Variants in ARRB1 observed in about 807,000 individuals in gnomAD.
ARRB1 encodes the protein beta-arrestin-1.
A neutral mutation model predicts 56.8 loss-of-function variants in ARRB1; 21 were observed. That is an observed-to-expected ratio of 0.37 (90% CI 0.26 to 0.53). ARRB1 has a LOEUF of 0.53. Ranked by LOEUF, ARRB1 falls within the 20% of genes least tolerant of loss-of-function variation. ARRB1 has a pLI of 0.88. For missense variants in ARRB1, 424 were observed against 553.7 expected, an observed-to-expected ratio of 0.77 and a Z score of 2.35; for synonymous variants, 210 against 218.6, an observed-to-expected ratio of 0.96 and a Z score of 0.35.
intron 8 of ARRB1, among the ~76,000 whole-genome samples, chr11:75,278,140 G>A (rs905564026): frequency 1.3e-5 from 2 of 152,242 alleles, no homozygotes; most frequent in African/African-American, 4.8e-5. Context: ...CCCACACCTT[G>A]AGGAGGGGCC....
At chr11:75,272,855 C>T (rs1388589854) in intron 12 of ARRB1, 40 bp downstream of exon 12, 1 of 1,609,176 alleles carries the variant, frequency 6.2e-7, no homozygotes, top group Non-Finnish European at 8.5e-7. Flanking sequence ...GGACGCTCCC[C>T]TCTGCACTCC....
At position 75,260,151 on chromosome 11, in the gene ARRB1, TC is replaced by T. The variant is rs1449421739; in HGVS notation, c.*6011del. 1 of 152,218 alleles carries T rather than the reference TC, an allele frequency of 6.6e-6. No homozygotes were observed. Among genetic ancestry groups the T allele is most frequent in the Non-Finnish European group, 1.5e-5 (1 of 68,034 alleles). 9.4% of individuals were successfully genotyped at this position (152,218 alleles called of 1,614,324 possible). Reference sequence around the variant, plus strand: ...CTGCCACAAAAGACCTTTAATGGCCTCCTATTTATTGTTCTTTTGTTCATTT... The same window carrying T: ...CTGCCACAAAAGACCTTTAATGGCCTCTATTTATTGTTCTTTTGTTCATTT... On this transcript the variant is annotated 3_prime_UTR_variant, in exon 16 of 16. Coordinates refer to ENST00000420843, the MANE Select transcript of ARRB1 (RefSeq NM_004041.5).
At chr11:75,312,050 A>T (rs1443615153) in intron 1 of ARRB1, 1 of 1,289,226 alleles carries the variant, frequency 7.8e-7, no homozygotes, top group Non-Finnish European at 1.0e-6. Context: ...CCCTCCTCTA[A>T]GTGCTGATCA....
At chr11:75,269,870 A>G (rs1946036562) in intron 13 of ARRB1, among the ~76,000 whole-genome samples, 1 of 152,218 alleles carries the variant, frequency 6.6e-6, no homozygotes, top group Admixed American at 6.5e-5. Context: ...TGAGACTAAC[A>G]AAAGCAACCC....
intron 1 of ARRB1, among the ~76,000 whole-genome samples, chr11:75,319,576 C>T (rs1182802462): frequency 6.6e-6 from 1 of 152,164 alleles, no homozygotes; most frequent in Non-Finnish European, 1.5e-5. Context: ...CCTCACTGCT[C>T]CATCAGGTCA....
At chr11:75,284,008 C>A (rs1946417127) in intron 4 of ARRB1, among the ~76,000 whole-genome samples, 1 of 152,188 alleles carries the variant, frequency 6.6e-6, no homozygotes, top group Admixed American at 6.5e-5. Flanking sequence ...AGCCTTGCCA[C>A]AGTCATGACA....
intron 1 of ARRB1, among the ~76,000 whole-genome samples, chr11:75,343,648 G>A (rs969278019): frequency 6.6e-6 from 1 of 152,190 alleles, no homozygotes; most frequent in African/African-American, 2.4e-5. Flanking sequence ...AAGTGTCAGA[G>A]CTGGGACTGG....
chr11:75,351,089 C>A (rs1242617624), intron 1 of ARRB1, among the ~76,000 whole-genome samples: 2 of 152,166 alleles, frequency 1.3e-5, no homozygotes, highest in East Asian at 3.9e-4. Context: ...TATGCCCACA[C>A]GTGTGTGCCA....
intron 8 of ARRB1, 129 bp downstream of exon 8, chr11:75,278,480 C>T: frequency 7.4e-7 from 1 of 1,347,662 alleles, no homozygotes; most frequent in Non-Finnish European, 1.0e-6. Flanking sequence ...TTCCCTGACC[C>T]CTGTGGTCCT....
intron 1 of ARRB1, among the ~76,000 whole-genome samples, chr11:75,337,878 T>G (rs1947632542): frequency 7.4e-6 from 1 of 135,018 alleles, no homozygotes; most frequent in African/African-American, 2.7e-5. Context: ...GTGATCCGCC[T>G]GCCTCGGCCT....
chr11:75,348,604 T>A (rs935029774), intron 1 of ARRB1, among the ~76,000 whole-genome samples: 1 of 151,942 alleles, frequency 6.6e-6, no homozygotes, highest in Non-Finnish European at 1.5e-5. Flanking sequence ...GTATTTTTTT[T>A]TTTTATTTTT....
chr11:75,276,142 A>C (rs1386036228), intron 10 of ARRB1, among the ~76,000 whole-genome samples: 1 of 152,220 alleles, frequency 6.6e-6, no homozygotes, highest in Non-Finnish European at 1.5e-5. Context: ...GGAATTATAC[A>C]TAAACAAATA....
At chr11:75,286,255 CTTTTTTTTT>C (rs60988072) in intron 3 of ARRB1, among the ~76,000 whole-genome samples, 4 of 38,736 alleles carry the variant, frequency 1.0e-4, no homozygotes, top group African/African-American at 2.2e-4. Flanking sequence ...ATTTGCTCAT[CTTTTTTTTT>C]TTTTTTTTTT....
chr11:75,271,762 G>A (rs770729011), intron 12 of ARRB1, 38 bp from the exon 13 acceptor site: 1 of 1,551,824 alleles, frequency 6.4e-7, no homozygotes, highest in Non-Finnish European at 8.7e-7. Flanking sequence ...GTGGTCAGGA[G>A]AGAGTTCAGA....
chr11:75,318,482 G>A (rs932941637), intron 1 of ARRB1, among the ~76,000 whole-genome samples: 2 of 152,172 alleles, frequency 1.3e-5, no homozygotes, highest in Non-Finnish European at 2.9e-5. Context: ...CTGAGGTCAG[G>A]AGTTCGAGAC....
intron 1 of ARRB1, among the ~76,000 whole-genome samples, chr11:75,318,014 A>G (rs1424165145): frequency 6.6e-6 from 1 of 152,070 alleles, no homozygotes; most frequent in East Asian, 1.9e-4. Flanking sequence ...TAGGTCCCCT[A>G]AGGCAGTGGG....
At chr11:75,335,449 G>T (rs1313822551) in intron 1 of ARRB1, among the ~76,000 whole-genome samples, 1 of 152,204 alleles carries the variant, frequency 6.6e-6, no homozygotes, top group Non-Finnish European at 1.5e-5. Context: ...GCCTGGGATG[G>T]TGGCGAACAC....
chr11:75,329,770 A>G (rs1591981332), intron 1 of ARRB1, among the ~76,000 whole-genome samples: 1 of 152,176 alleles, frequency 6.6e-6, no homozygotes, highest in Middle Eastern at 3.4e-3. Flanking sequence ...AGGTGGGAGG[A>G]TTGCTTGAGC....
chr11:75,266,402 C>G, intron 15 of ARRB1, 128 bp from the exon 16 acceptor site: 2 of 717,920 alleles, frequency 2.8e-6, no homozygotes, highest in Admixed American at 4.3e-5. Flanking sequence ...TCTCTGAGGT[C>G]TCTGGCCTCT....
Sources: gnomAD v4.1 joint callset for allele counts (sites outside exome capture counted in the v4.1 genomes callset) on GRCh38, gnomAD v4.1.1 for gene constraint, MANE v1.5 for transcripts, NCBI Gene and HGNC (gene_info 2026-07-23, HGNC 2026-07-21) for gene names.